Variants in ABCB4 observed in about 807,000 individuals in gnomAD.
ABCB4 encodes phosphatidylcholine translocator ABCB4.
A neutral mutation model predicts 145.7 loss-of-function variants in ABCB4; 76 were observed. The observed-to-expected ratio is 0.52, with a 90% CI of 0.43 to 0.63. The LOEUF (loss-of-function observed/expected upper bound fraction) is 0.63. ABCB4 is among the 30% of genes least tolerant of loss of function. The pLI, the probability that ABCB4 is intolerant of heterozygous loss-of-function variation, is 0.00. For synonymous variants in ABCB4, 517 were observed against 566.8 expected (o/e 0.91, Z 1.25); for missense variants, 1,234 against 1,553.1 (o/e 0.79, Z 3.45).
chr7:87,380,925 T>C, the ABCB4 span, among the ~76,000 whole-genome samples: 1 of 152,234 alleles, frequency 6.6e-6, no homozygotes, highest in East Asian at 1.9e-4. Flanking sequence ...ATGTGTGCTG[T>C]TGTTGGCAGA....
rs752916287 is a variant in ABCB4 at position 87,411,911 on chromosome 7, C to T, written c.2906G>A (p.Arg969His). Residue 969 changes from arginine to histidine, a missense_variant, in exon 23 of 28, where the codon CGC becomes CAC. Around this residue, in one of 7 missense-constraint regions of ABCB4, gnomAD observed 301 missense variants for 389.0 expected, o/e 0.77. Coordinates refer to ENST00000649586, the MANE Select transcript of ABCB4 (RefSeq NM_000443.4). ...GAYLIVNGHMRFRDVILVFSA... is the reference protein window; with the variant it reads ...GAYLIVNGHMHFRDVILVFSA... ...TACTTACAGAATAACATCTCTGAAG[C>T]GCATATGTCCATTCACAATGAGATA... 6 of 1,613,376 alleles carry T rather than the reference C, an allele frequency of 3.7e-6. No individual in the cohort carries two copies. In the South Asian group the frequency reaches 4.4e-5, roughly 12 times the overall value.
intron 14 of ABCB4, among the ~76,000 whole-genome samples, chr7:87,433,387 G>A (rs1810373751): frequency 6.6e-6 from 1 of 152,088 alleles, no homozygotes; most frequent in Non-Finnish European, 1.5e-5. Context: ...GCTGGGTTTA[G>A]TCCATATATA....
intron 3 of ABCB4, among the ~76,000 whole-genome samples, chr7:87,464,990 C>A (rs10452936): frequency 0.27 from 40,535 of 152,044 alleles, 6,550 homozygotes; most frequent in African/African-American, 0.46. Context: ...CTACTGAGGC[C>A]CCAGGTTCAT....
intron 26 of ABCB4, among the ~76,000 whole-genome samples, chr7:87,404,318 A>G (rs537178781): frequency 3.3e-5 from 5 of 152,226 alleles, no homozygotes; most frequent in Admixed American, 6.5e-5. Flanking sequence ...CATCACTTTT[A>G]GGGACCTCAA....
At position 87,453,083 on chromosome 7, in the gene ABCB4, T is replaced by C. The variant is rs770746427; in HGVS notation, c.397A>G (p.Ile133Val). 6.2e-7 allele frequency: 1 copy of C among 1,614,144 alleles called. No homozygotes were observed. The highest frequency in any genetic ancestry group is 8.5e-7 in the Non-Finnish European group (1 of 1,180,020). The change falls in exon 6 of 28, where the codon ATA (isoleucine) becomes GTA (valine). Residue 133 changes from isoleucine to valine, a missense_variant. Ile to Val is a conservative substitution (Grantham distance 29). Coordinates refer to ENST00000649586, the MANE Select transcript of ABCB4 (RefSeq NM_000443.4). ...GCCAAAGTCCAAAATGAAACTTGTA[T>C]ATAGGCAGCAACAAGAACTCCAGCA... ...LGAGVLVAAY[I>V]QVSFWTLAAG...
At chr7:87,450,382 G>T (rs951178217) in intron 7 of ABCB4, among the ~76,000 whole-genome samples, 11 of 150,780 alleles carry the variant, frequency 7.3e-5, no homozygotes, top group African/African-American at 2.7e-4. Context: ...CACATCTACT[G>T]TTTTTCTTTG....
chr7:87,410,745 A>G (rs1808562248), intron 23 of ABCB4, among the ~76,000 whole-genome samples: 1 of 152,174 alleles, frequency 6.6e-6, no homozygotes, highest in African/African-American at 2.4e-5. Flanking sequence ...AACTGAATCA[A>G]AAGGTTTTCT....
chr7:87,450,660 C>T (rs1215900271), intron 7 of ABCB4, among the ~76,000 whole-genome samples: 5 of 151,962 alleles, frequency 3.3e-5, no homozygotes, highest in Non-Finnish European at 5.9e-5. Context: ...TTAGTAGAGA[C>T]AGGGTTTCAC....
chr7:87,442,881 C>CAA (rs1811080252), intron 12 of ABCB4, among the ~76,000 whole-genome samples: 1 of 152,100 alleles, frequency 6.6e-6, no homozygotes, highest in African/African-American at 2.4e-5. Flanking sequence ...TCCCACTTTC[C>CAA]CCCTTAGATA....
intron 27 of ABCB4, among the ~76,000 whole-genome samples, chr7:87,402,924 T>C (rs1052041816): frequency 2.6e-5 from 4 of 152,110 alleles, no homozygotes; most frequent in Non-Finnish European, 4.4e-5. Context: ...GCTTGAACCC[T>C]GGAGGCAGAG....
intron 26 of ABCB4, among the ~76,000 whole-genome samples, chr7:87,403,747 A>T (rs1403661210): frequency 6.6e-6 from 1 of 152,208 alleles, no homozygotes; most frequent in African/African-American, 2.4e-5. Flanking sequence ...ATCTTATGGG[A>T]ACCACTGTGG....
chr7:87,452,850 T>C (rs1811838939), intron 6 of ABCB4, 94 bp downstream of exon 6: 1 of 1,369,392 alleles, frequency 7.3e-7, no homozygotes, highest in Non-Finnish European at 1.0e-6. Flanking sequence ...AGATGCTCAA[T>C]CTAGTAACAT....
At chr7:87,430,191 AC>A (rs1332675166) in intron 15 of ABCB4, among the ~76,000 whole-genome samples, 1 of 152,178 alleles carries the variant, frequency 6.6e-6, no homozygotes, top group Non-Finnish European at 1.5e-5. Flanking sequence ...AATACTGGAA[AC>A]AGACCAAATA....
chr7:87,439,969 T>C (rs2116686799), intron 13 of ABCB4, 132 bp from the exon 14 acceptor site: 3 of 1,324,084 alleles, frequency 2.3e-6, no homozygotes, highest in South Asian at 1.3e-5. Flanking sequence ...TATGATAAGA[T>C]AAATGAATTC....
chr7:87,450,444 C>T (rs976360685), intron 7 of ABCB4, among the ~76,000 whole-genome samples: 2 of 151,198 alleles, frequency 1.3e-5, no homozygotes, highest in Non-Finnish European at 2.9e-5. Context: ...AAGAATTTAC[C>T]ATTCTTAACT....
At chr7:87,407,963 T>C in intron 25 of ABCB4, 74 bp downstream of exon 25, 1 of 1,586,116 alleles carries the variant, frequency 6.3e-7, no homozygotes, top group Non-Finnish European at 8.6e-7. Context: ...TTGTCCAATA[T>C]TTTCCATTAT....
At chr7:87,475,716 TCGCCCC>T (rs1021396988), upstream of ABCB4, 42 of 428,600 alleles carry the variant, frequency 9.8e-5, no homozygotes, top group South Asian at 9.8e-5. Flanking sequence ...CGCCGCGGCC[TCGCCCC>T]CGCCCCCGCC....
chr7:87,467,898 G>T (rs2116942230), intron 3 of ABCB4, among the ~76,000 whole-genome samples: 1 of 152,282 alleles, frequency 6.6e-6, no homozygotes, highest in East Asian at 1.9e-4. Context: ...TTAAAGCAGT[G>T]GGTAGAGGGA....
At chr7:87,464,173 T>C (rs1332580375) in intron 3 of ABCB4, among the ~76,000 whole-genome samples, 1 of 152,150 alleles carries the variant, frequency 6.6e-6, no homozygotes, top group Non-Finnish European at 1.5e-5. Flanking sequence ...ACTGGGTCAA[T>C]AACCCGGGTG....
Sources: gnomAD v4.1 joint callset for allele counts (sites outside exome capture counted in the v4.1 genomes callset) on GRCh38, gnomAD v4.1.1 for gene constraint, gnomAD v4.1.1 regional missense constraint, MANE v1.5 for transcripts, NCBI Gene and HGNC (gene_info 2026-07-23, HGNC 2026-07-21) for gene names.